L3MBTL4: variants seen among roughly 807,000 people sequenced by gnomAD.
The protein encoded by L3MBTL4 is lethal(3)malignant brain tumor-like protein 4.
L3MBTL4 carries 70 observed loss-of-function variants against 84.5 expected under a neutral mutation model. That is an observed-to-expected ratio of 0.83 (90% CI 0.68 to 1.01). The LOEUF is 1.01. Among genes scored for constraint, L3MBTL4 ranks in the 50% least tolerant of loss-of-function variants. L3MBTL4 has a pLI of 0.00. For synonymous variants in L3MBTL4, 274 were observed against 259.8 expected (o/e 1.05, Z -0.52); for missense variants, 715 against 754.8 (o/e 0.95, Z 0.62).
intron 16 of L3MBTL4, among the ~76,000 whole-genome samples, chr18:6,007,698 C>A (rs2054555062): frequency 6.6e-6 from 1 of 152,042 alleles, no homozygotes; most frequent in Non-Finnish European, 1.5e-5. Flanking sequence ...CTGGAAATAC[C>A]CAAACGTCCA....
chr18:6,263,879 C>T, intron 5 of L3MBTL4, 68 bp downstream of exon 5: 1 of 1,055,608 alleles, frequency 9.5e-7, no homozygotes, highest in Non-Finnish European at 1.5e-6. Context: ...CTAGGAAAGT[C>T]ATTTCATTTA....
intron 1 of L3MBTL4, among the ~76,000 whole-genome samples, chr18:6,318,437 A>T (rs1159632325): frequency 6.7e-6 from 1 of 149,440 alleles, no homozygotes; most frequent in African/African-American, 2.5e-5. Context: ...GGAAACCAAA[A>T]GCTAGCAGGA....
chr18:5,996,904 A>G (rs2053997943), intron 16 of L3MBTL4, among the ~76,000 whole-genome samples: 1 of 152,176 alleles, frequency 6.6e-6, no homozygotes, highest in Non-Finnish European at 1.5e-5. Flanking sequence ...GTAGCTCTTA[A>G]TAGTTTTATT....
At chr18:6,290,285 T>G (rs2146689108) in intron 4 of L3MBTL4, among the ~76,000 whole-genome samples, 1 of 152,196 alleles carries the variant, frequency 6.6e-6, no homozygotes, top group Non-Finnish European at 1.5e-5. Flanking sequence ...TTTTTTTTTT[T>G]TTTTACCTTT....
intron 12 of L3MBTL4, among the ~76,000 whole-genome samples, chr18:6,210,111 T>C (rs1238919505): frequency 6.6e-6 from 1 of 152,218 alleles, no homozygotes; most frequent in African/African-American, 2.4e-5. Flanking sequence ...TCAAGACCAC[T>C]GAATTTTAAG....
chr18:6,219,218 C>CT (rs900737204), intron 10 of L3MBTL4, among the ~76,000 whole-genome samples: 9 of 151,876 alleles, frequency 5.9e-5, no homozygotes, highest in Non-Finnish European at 1.3e-4. Context: ...CAACCTCATA[C>CT]TTATCACTTC....
intron 16 of L3MBTL4, among the ~76,000 whole-genome samples, chr18:6,014,269 C>T (rs1333844467): frequency 1.3e-5 from 2 of 152,162 alleles, no homozygotes; most frequent in East Asian, 3.9e-4. Flanking sequence ...ATTTCACCTA[C>T]CACTGATGAA....
At chr18:6,266,714 A>G (rs1036007405) in intron 4 of L3MBTL4, among the ~76,000 whole-genome samples, 26 of 152,166 alleles carry the variant, frequency 1.7e-4, no homozygotes, top group African/African-American at 5.3e-4. Context: ...ACCGGAGATC[A>G]GGAGTTCGAG....
At chr18:6,175,124 T>C (rs753406912) in intron 12 of L3MBTL4, among the ~76,000 whole-genome samples, 1 of 151,818 alleles carries the variant, frequency 6.6e-6, no homozygotes, top group Non-Finnish European at 1.5e-5. Context: ...AAATGAAAAC[T>C]AGGCAAATCA....
intron 16 of L3MBTL4, among the ~76,000 whole-genome samples, chr18:6,007,371 A>G (rs192251144): frequency 6.6e-6 from 1 of 152,284 alleles, no homozygotes; most frequent in East Asian, 1.9e-4. Flanking sequence ...AATTAAAAAA[A>G]AACTCACGAT....
At chr18:6,323,433 G>C (rs1169176697) in intron 1 of L3MBTL4, among the ~76,000 whole-genome samples, 1 of 152,218 alleles carries the variant, frequency 6.6e-6, no homozygotes. Flanking sequence ...TGCTGATAGT[G>C]ATATGGACAC....
At chr18:6,252,384 C>T (rs919884111) in intron 5 of L3MBTL4, among the ~76,000 whole-genome samples, 10 of 151,914 alleles carry the variant, frequency 6.6e-5, no homozygotes, top group African/African-American at 2.4e-4. Context: ...CAATATCAAG[C>T]AAGTGTTAGA....
intron 14 of L3MBTL4, among the ~76,000 whole-genome samples, chr18:6,111,411 T>C (rs955924490): frequency 6.6e-6 from 1 of 152,208 alleles, no homozygotes; most frequent in Non-Finnish European, 1.5e-5. Context: ...ACAATTATTA[T>C]TATTTTTTAA....
At chr18:6,409,213 A>G in intron 1 of L3MBTL4, among the ~76,000 whole-genome samples, 1 of 152,340 alleles carries the variant, frequency 6.6e-6, no homozygotes, top group African/African-American at 2.4e-5. Flanking sequence ...TTTAATTGGC[A>G]TCAGCACTAA....
At chr18:6,393,522 C>G (rs1466302530) in intron 1 of L3MBTL4, among the ~76,000 whole-genome samples, 1 of 152,170 alleles carries the variant, frequency 6.6e-6, no homozygotes, top group Non-Finnish European at 1.5e-5. Flanking sequence ...TAAGCACTTT[C>G]CACAGGCTAA....
rs557078089 is a variant in L3MBTL4 at position 5,985,820 on chromosome 18, A to C, written c.1445-16258T>G. On this transcript the variant is annotated intron_variant, in intron 16 of 18. Coordinates refer to ENST00000317931, the MANE Select transcript of L3MBTL4 (RefSeq NM_001330559.2). Reference sequence around the variant, plus strand: ...AGCTCAAGTTGAGGACAAAAAACAGAGATCACACACAGTAGAAGTGAGGGA... The same window carrying C: ...AGCTCAAGTTGAGGACAAAAAACAGCGATCACACACAGTAGAAGTGAGGGA... Among the ~76,000 whole-genome samples, 3 of 152,262 alleles carry C rather than the reference A, an allele frequency of 2.0e-5. No homozygotes were observed. In the East Asian group the frequency reaches 5.8e-4, roughly 29 times the overall value.
At chr18:6,099,181 C>T (rs192645021) in intron 14 of L3MBTL4, among the ~76,000 whole-genome samples, 54 of 152,252 alleles carry the variant, frequency 3.5e-4, no homozygotes, top group Non-Finnish European at 6.2e-4. Flanking sequence ...TGCCCTTTCA[C>T]TTCATAAAAA....
chr18:5,973,039 G>A (rs1207953913), intron 16 of L3MBTL4, among the ~76,000 whole-genome samples: 5 of 152,156 alleles, frequency 3.3e-5, no homozygotes, highest in Non-Finnish European at 4.4e-5. Context: ...GGTACATAAC[G>A]TGTTCAATAC....
chr18:6,224,461 G>C (rs561770467), intron 10 of L3MBTL4, among the ~76,000 whole-genome samples: 1 of 152,132 alleles, frequency 6.6e-6, no homozygotes. Flanking sequence ...CCAACACAAC[G>C]GGGGAACCAT....
Sources: gnomAD v4.1 joint callset for allele counts (sites outside exome capture counted in the v4.1 genomes callset) on GRCh38, gnomAD v4.1.1 for gene constraint, MANE v1.5 for transcripts, NCBI Gene and HGNC (gene_info 2026-07-23, HGNC 2026-07-21) for gene names.